Variants in ANKS1A observed in about 807,000 individuals in gnomAD.
ANKS1A encodes ankyrin repeat and SAM domain-containing protein 1A.
In ANKS1A, 55 loss-of-function variants were observed where a neutral mutation model predicts 120.3. That is an observed-to-expected ratio of 0.46 (90% CI 0.37 to 0.57). The LOEUF (loss-of-function observed/expected upper bound fraction) is 0.57. Among genes scored for constraint, ANKS1A ranks in the 20% least tolerant of loss-of-function variants. The pLI is 0.00. For missense variants in ANKS1A, 1,123 were observed against 1,480.3 expected (o/e 0.76, Z 3.96); for synonymous variants, 590 against 604.7 (o/e 0.98, Z 0.36).
intron 3 of ANKS1A, among the ~76,000 whole-genome samples, chr6:34,971,952 A>T (rs1348508164): frequency 6.6e-6 from 1 of 152,176 alleles, no homozygotes; most frequent in Non-Finnish European, 1.5e-5. Context: ...GTTTAGAATT[A>T]CTTCTTTAGA....
At position 35,088,636 on chromosome 6, in the gene ANKS1A, G is replaced by A. The variant is rs112702876; in HGVS notation, c.*27G>A. ...CCACTGAGGAACCACACTGTGCTGC[G>A]GAAACATAGACGTGGGGGCATAGGC... On this transcript the variant is annotated 3_prime_UTR_variant, in exon 24 of 24. Transcript: ENST00000360359. 6.3e-3 allele frequency: 10,094 copies of A among 1,614,194 alleles called. 68 individuals carry two copies. Among genetic ancestry groups the A allele is most frequent in the South Asian group, 0.018 (1,665 of 91,088 alleles).
At position 35,054,083 on chromosome 6, in the gene ANKS1A, C is replaced by A; in HGVS notation, c.2011-16C>A. The A allele has an allele frequency of 6.2e-7, 1 of 1,612,480 alleles. No homozygotes were observed. Among genetic ancestry groups the A allele is most frequent in the East Asian group, 2.2e-5 (1 of 44,870 alleles). On this transcript the variant is annotated splice_polypyrimidine_tract_variant and intron_variant, in intron 11 of 23. Transcript: ENST00000360359. ...AGCCTGACTGCCTCTCCTCTTTGTT[C>A]TTTCTTCCATTTCAGATTGAGAAAA...
chr6:34,905,551 T>A (rs779992038), intron 1 of ANKS1A, among the ~76,000 whole-genome samples: 10 of 152,254 alleles, frequency 6.6e-5, no homozygotes, highest in Non-Finnish European at 1.3e-4. Flanking sequence ...CAGTTTACCT[T>A]CACAACATGC....
At chr6:34,916,009 T>G (rs1768141215) in intron 1 of ANKS1A, among the ~76,000 whole-genome samples, 1 of 144,672 alleles carries the variant, frequency 6.9e-6, no homozygotes, top group Non-Finnish European at 1.5e-5. Context: ...TTTTTTTTTT[T>G]GGAGATGGAG....
At chr6:34,964,685 A>G (rs186706866) in intron 1 of ANKS1A, among the ~76,000 whole-genome samples, 1 of 152,318 alleles carries the variant, frequency 6.6e-6, no homozygotes, top group Non-Finnish European at 1.5e-5. Flanking sequence ...CTTACAATGA[A>G]GCAGTCCTGT....
At chr6:34,944,601 G>T (rs756608012) in intron 1 of ANKS1A, among the ~76,000 whole-genome samples, 3 of 152,030 alleles carry the variant, frequency 2.0e-5, no homozygotes, top group Non-Finnish European at 4.4e-5. Flanking sequence ...CTCAGTATCC[G>T]TGGGGGACTG....
chr6:34,917,538 A>G (rs1322201375), intron 1 of ANKS1A, among the ~76,000 whole-genome samples: 1 of 152,238 alleles, frequency 6.6e-6, no homozygotes, highest in Non-Finnish European at 1.5e-5. Context: ...GATAATCTGT[A>G]TTAAAGTGCA....
intron 1 of ANKS1A, among the ~76,000 whole-genome samples, chr6:34,964,552 A>G (rs1770802545): frequency 6.6e-6 from 1 of 152,190 alleles, no homozygotes; most frequent in Admixed American, 6.6e-5. Context: ...TAAAGGTCCA[A>G]TTTGTTTTCT....
chr6:34,904,804 C>CT (rs1005054329), intron 1 of ANKS1A, among the ~76,000 whole-genome samples: 14 of 152,108 alleles, frequency 9.2e-5, no homozygotes, highest in African/African-American at 2.9e-4. Context: ...CTTTTCTTTT[C>CT]TTTTTTTTCT....
Position 35,086,082 on chromosome 6 carries a change from T to C in ANKS1A, c.3303+146T>C. On this transcript the variant is annotated intron_variant, in intron 22 of 23. Transcript: ENST00000360359. The surrounding 1 kb of genome is among the most constrained non-coding windows in gnomAD (Gnocchi z 5.1). ...GACCCTCTTAATTGTCCCCCAACCC[T>C]GCCAGGTCTCGCCCCTGGAAAGGCA... The C allele has an allele frequency of 7.7e-7, 1 of 1,304,038 alleles. No homozygotes were observed. Among genetic ancestry groups the C allele is most frequent in the Non-Finnish European group, 1.0e-6 (1 of 976,948 alleles). The allele number at this position is 1,304,038 out of a possible 1,614,324, so 80.8% of individuals were successfully genotyped here.
intron 13 of ANKS1A, among the ~76,000 whole-genome samples, chr6:35,062,497 A>G (rs936512049): frequency 2.0e-5 from 3 of 152,350 alleles, no homozygotes; most frequent in South Asian, 4.1e-4. Flanking sequence ...ATAGGCTACA[A>G]TGTTTCCCTT....
chr6:35,089,547 G>A lies in ANKS1A; in HGVS notation c.*938G>A, dbSNP rs920044073. On this transcript the variant is annotated 3_prime_UTR_variant, in exon 24 of 24. Coordinates refer to ENST00000360359, the MANE Select transcript of ANKS1A (RefSeq NM_015245.3). Reference sequence around the variant, plus strand: ...TGTGATTTGTCTAATCAGCCTGTGTGATTGGGGCTCATTTTGATTCTCTGA... The same window carrying A: ...TGTGATTTGTCTAATCAGCCTGTGTAATTGGGGCTCATTTTGATTCTCTGA... The A allele has an allele frequency of 5.1e-6, 5 of 986,720 alleles. No homozygotes were observed. The highest frequency in any genetic ancestry group is 6.0e-6 in the Non-Finnish European group (5 of 830,648). 61.1% of individuals were successfully genotyped at this position (986,720 alleles called of 1,614,324 possible). A position where few individuals can be genotyped will look rare whatever the true frequency, so the allele number is the denominator to read the frequency against.
At chr6:35,087,887 G>A (rs917490338) in intron 23 of ANKS1A, among the ~76,000 whole-genome samples, 1 of 152,202 alleles carries the variant, frequency 6.6e-6, no homozygotes, top group Non-Finnish European at 1.5e-5. Flanking sequence ...CTCTATCTTC[G>A]CCATGGAGTC....
chr6:35,050,442 C>T lies in ANKS1A; in HGVS notation c.2011-3657C>T, dbSNP rs941918798. On this transcript the variant is annotated intron_variant, in intron 11 of 23. Coordinates refer to ENST00000360359, the MANE Select transcript of ANKS1A (RefSeq NM_015245.3). The surrounding 1 kb of genome is among the most constrained non-coding windows in gnomAD (Gnocchi z 4.3). ...AAAGAGGAGAACACTAAATGGTGCC[C>T]GTCCATTACACTTAACCTGCCTCTT... Among the ~76,000 whole-genome samples, 31 of 152,188 alleles carry T rather than the reference C, an allele frequency of 2.0e-4. No homozygotes were observed. The highest frequency in any genetic ancestry group is 6.3e-4 in the African/African-American group (26 of 41,444).
At position 34,933,896 on chromosome 6, in the gene ANKS1A, G is replaced by A. The variant is rs76279276; in HGVS notation, c.198-33343G>A. On this transcript the variant is annotated intron_variant, in intron 1 of 23. Coordinates refer to ENST00000360359, the MANE Select transcript of ANKS1A (RefSeq NM_015245.3). ...GAGTCTTGTGGCTTTCTTTGAATAC[G>A]GCAGTCAATAGCTGATATTTTAGGG... Among the ~76,000 whole-genome samples the A allele has an allele frequency of 3.2e-4, 49 of 152,164 alleles. 1 individual carries two copies. The East Asian group carries it at 8.7e-3, about 27-fold the overall frequency.
At chr6:34,901,614 A>C (rs1486339876) in intron 1 of ANKS1A, among the ~76,000 whole-genome samples, 4 of 152,164 alleles carry the variant, frequency 2.6e-5, no homozygotes, top group African/African-American at 9.7e-5. Context: ...GGGCTCAAGC[A>C]ATCTTCCCAC....
chr6:34,904,513 C>G (rs554630151), intron 1 of ANKS1A, among the ~76,000 whole-genome samples: 5 of 152,114 alleles, frequency 3.3e-5, no homozygotes, highest in Admixed American at 6.5e-5. Context: ...GTGGGCGGAT[C>G]ACGAGGTCAA....
At chr6:35,016,781 A>AAAG (rs1554145938) in intron 10 of ANKS1A, among the ~76,000 whole-genome samples, 8 of 134,584 alleles carry the variant, frequency 5.9e-5, no homozygotes, top group African/African-American at 1.6e-4. Context: ...AAAAAAAAAA[A>AAAG]AGAGAGAGAG....
intron 10 of ANKS1A, among the ~76,000 whole-genome samples, chr6:34,996,476 CTT>C (rs869190207): frequency 9.2e-5 from 13 of 141,342 alleles, no homozygotes; most frequent in Non-Finnish European, 9.3e-5. Flanking sequence ...GGTCACCAAT[CTT>C]TTTTTTTTTT....
Sources: gnomAD v4.1 joint callset for allele counts (sites outside exome capture counted in the v4.1 genomes callset) on GRCh38, gnomAD v4.1.1 for gene constraint, Gnocchi (gnomAD v3.1) non-coding constraint, MANE v1.5 for transcripts, NCBI Gene and HGNC (gene_info 2026-07-23, HGNC 2026-07-21) for gene names.